The following TSNARE1 variants were observed in gnomAD, a reference collection of about 807,000 sequenced individuals.
TSNARE1 encodes t-SNARE domain containing 1.
Under a neutral mutation model 62.0 loss-of-function variants are expected in TSNARE1, and 49 were observed. The ratio of observed to expected loss-of-function variants is 0.79; its 90% CI spans 0.63 to 1.00. The LOEUF (loss-of-function observed/expected upper bound fraction) is 1.00. TSNARE1 is among the 50% of genes least tolerant of loss of function. The probability of loss-of-function intolerance (pLI) is 0.00; values close to 1 mark genes in which losing one functional copy is unlikely to be tolerated. For synonymous variants in TSNARE1, 328 were observed against 294.4 expected (o/e 1.11, Z -1.17); for missense variants, 755 against 700.1 (o/e 1.08, Z -0.88).
rs985009247 is a variant in TSNARE1, at chr8:142,220,236, G to A, written c.*12-7923C>T. Among the ~76,000 whole-genome samples the A allele has an allele frequency of 5.3e-5, 8 of 152,164 alleles. No homozygotes were observed. In the East Asian group the frequency reaches 5.8e-4, roughly 11 times the overall value. The stretch of plus-strand genomic sequence containing the variant: ...GCTCAGTGGCCCTGCAAGGTAGCAC[G>A]CATGTCCCATTTCACAGATGAGGAA... On this transcript the variant is annotated intron_variant, in intron 13 of 13. Transcript: ENST00000524325.
At chr8:142,371,422 C>T (rs187239711) in intron 1 of TSNARE1, among the ~76,000 whole-genome samples, 25 of 152,280 alleles carry the variant, frequency 1.6e-4, no homozygotes, top group African/African-American at 4.1e-4. Flanking sequence ...TGAAAATGTC[C>T]GGTGTCTTGA....
chr8:142,322,191 T>C (rs147857647), intron 6 of TSNARE1, among the ~76,000 whole-genome samples: 6 of 152,302 alleles, frequency 3.9e-5, no homozygotes, highest in Non-Finnish European at 8.8e-5. Context: ...TGTGACAAAA[T>C]TCAACACTCA....
chr8:142,297,902 C>A (rs866492214), intron 10 of TSNARE1, among the ~76,000 whole-genome samples: 2 of 152,216 alleles, frequency 1.3e-5, no homozygotes, highest in African/African-American at 4.8e-5. Context: ...CCCACCCCGC[C>A]GCCCTCCGTC....
At chr8:142,402,920 G>C (rs1210815129) in intron 1 of TSNARE1, 184 bp downstream of exon 1, 5 of 151,492 alleles carry the variant, frequency 3.3e-5, no homozygotes, top group African/African-American at 1.2e-4. Flanking sequence ...CCCCGGCACG[G>C]TCCCGCCCCC....
chr8:142,395,263 C>G (rs953732383), intron 1 of TSNARE1, among the ~76,000 whole-genome samples: 6 of 152,178 alleles, frequency 3.9e-5, no homozygotes, highest in Non-Finnish European at 4.4e-5. Context: ...AGGCCCAAGC[C>G]ACGCAGAGCC....
chr8:142,286,809 G>A (rs1822846323), intron 10 of TSNARE1, among the ~76,000 whole-genome samples: 1 of 152,102 alleles, frequency 6.6e-6, no homozygotes, highest in Admixed American at 6.6e-5. Context: ...CACCAACTTC[G>A]ACCCTGGCCA....
intron 12 of TSNARE1, among the ~76,000 whole-genome samples, chr8:142,242,405 T>C (rs1267441799): frequency 6.6e-6 from 1 of 152,060 alleles, no homozygotes; most frequent in East Asian, 1.9e-4. Context: ...AAAGCAAAAA[T>C]AAACAAAACA....
At chr8:142,289,348 A>C (rs1012914701) in intron 10 of TSNARE1, among the ~76,000 whole-genome samples, 9 of 151,800 alleles carry the variant, frequency 5.9e-5, no homozygotes, top group African/African-American at 2.2e-4. Flanking sequence ...CTTGGGGAGC[A>C]CTCTCTGTAT....
At chr8:142,292,914 T>C (rs1235262442) in intron 10 of TSNARE1, among the ~76,000 whole-genome samples, 1 of 152,070 alleles carries the variant, frequency 6.6e-6, no homozygotes, top group Admixed American at 6.6e-5. Flanking sequence ...CACAACCCTG[T>C]CAGTCGGGCT....
intron 1 of TSNARE1, among the ~76,000 whole-genome samples, chr8:142,394,608 G>A (rs1837771563): frequency 2.0e-5 from 3 of 152,200 alleles, no homozygotes; most frequent in Non-Finnish European, 4.4e-5. Flanking sequence ...TCTACGGCCA[G>A]ACCCCACGGG....
intron 12 of TSNARE1, chr8:142,270,966 G>A (rs1049817117): frequency 5.9e-5 from 58 of 985,414 alleles, no homozygotes; most frequent in Admixed American, 6.1e-5. Flanking sequence ...CTCCTGGACT[G>A]GAGTTGTCCC....
rs1828294986 is a variant in TSNARE1, at chr8:142,315,002, C to A, written c.1074+1G>T. ...CCCCACTGCCCCCACCAGCACCTCA[C>A]CTTCTGCACCACTCCATAGCACTGA... On this transcript the variant is annotated splice_donor_variant, in intron 8 of 13. Coordinates refer to ENST00000524325, the MANE Select transcript of TSNARE1 (RefSeq NM_145003.5). LOFTEE classifies it high-confidence loss of function. The A allele has an allele frequency of 6.2e-7, 1 of 1,614,042 alleles. No homozygotes were observed. Among genetic ancestry groups the A allele is most frequent in the African/African-American group, 1.3e-5 (1 of 74,932 alleles).
At chr8:142,303,946 G>A (rs997895297) in intron 9 of TSNARE1, among the ~76,000 whole-genome samples, 1 of 152,184 alleles carries the variant, frequency 6.6e-6, no homozygotes, top group South Asian at 2.1e-4. Flanking sequence ...CAGGCCCCTC[G>A]GCAGGGGCAC....
chr8:142,249,082 G>A (rs1818026350), intron 12 of TSNARE1, among the ~76,000 whole-genome samples: 1 of 152,222 alleles, frequency 6.6e-6, no homozygotes, highest in Admixed American at 6.5e-5. Flanking sequence ...CAGACACCGG[G>A]CCCCCGCCAG....
chr8:142,375,456 C>A (rs1240437401), intron 1 of TSNARE1, among the ~76,000 whole-genome samples: 1 of 152,186 alleles, frequency 6.6e-6, no homozygotes, highest in Admixed American at 6.5e-5. Context: ...TGGCGCAGGC[C>A]CTGGCAGGGC....
intron 11 of TSNARE1, among the ~76,000 whole-genome samples, chr8:142,280,520 C>G (rs1821248389): frequency 6.6e-6 from 1 of 152,188 alleles, no homozygotes; most frequent in African/African-American, 2.4e-5. Context: ...CGCCTGTCCA[C>G]CCGGCAGGTG....
chr8:142,382,824 T>G (rs1442004252), intron 1 of TSNARE1, among the ~76,000 whole-genome samples: 1 of 152,216 alleles, frequency 6.6e-6, no homozygotes, highest in Non-Finnish European at 1.5e-5. Context: ...GGAAGGCACT[T>G]TTCTGTCCTT....
chr8:142,250,109 G>A (rs994278187), intron 12 of TSNARE1, among the ~76,000 whole-genome samples: 5 of 152,150 alleles, frequency 3.3e-5, no homozygotes, highest in African/African-American at 9.7e-5. Flanking sequence ...GAGCCAGGCC[G>A]GCAGCGCAGC....
At chr8:142,342,594 C>CCT (rs781647804) in intron 4 of TSNARE1, among the ~76,000 whole-genome samples, 30 of 152,208 alleles carry the variant, frequency 2.0e-4, no homozygotes, top group Non-Finnish European at 4.1e-4. Context: ...AGGCTGCCGC[C>CCT]CTCCTCTTCC....
Sources: gnomAD v4.1 joint callset for allele counts (sites outside exome capture counted in the v4.1 genomes callset) on GRCh38, gnomAD v4.1.1 for gene constraint, MANE v1.5 for transcripts, NCBI Gene and HGNC (gene_info 2026-07-23, HGNC 2026-07-21) for gene names.